The following CMIP variants were observed in gnomAD, a reference collection of about 807,000 sequenced individuals.
CMIP encodes c-Maf inducing protein.
A neutral mutation model predicts 97.3 loss-of-function variants in CMIP; 13 were observed. The observed-to-expected ratio is 0.13, with a 90% CI of 0.09 to 0.21. The LOEUF is 0.21. Among genes scored for constraint, CMIP ranks in the 10% least tolerant of loss-of-function variants. The probability of loss-of-function intolerance (pLI) is 1.00; values close to 1 mark genes in which losing one functional copy is unlikely to be tolerated. For missense variants in CMIP, 847 were observed against 1,024.9 expected, an observed-to-expected ratio of 0.83 and a Z score of 2.37; for synonymous variants, 538 against 436.3, an observed-to-expected ratio of 1.23 and a Z score of -2.91.
At chr16:81,563,117 TG>T (rs1374146205) in intron 1 of CMIP, among the ~76,000 whole-genome samples, 1 of 152,230 alleles carries the variant, frequency 6.6e-6, no homozygotes, top group Non-Finnish European at 1.5e-5. Flanking sequence ...CCCAGCTGGC[TG>T]GCCATGGCTG....
At chr16:81,688,303 C>T (rs1036250767) in intron 10 of CMIP, among the ~76,000 whole-genome samples, 1 of 152,212 alleles carries the variant, frequency 6.6e-6, no homozygotes, top group Admixed American at 6.5e-5. Flanking sequence ...GTGAACAGCA[C>T]GGTGCTTCCC....
chr16:81,656,702 ATC>A (rs1470188837), intron 4 of CMIP, among the ~76,000 whole-genome samples: 4 of 152,194 alleles, frequency 2.6e-5, no homozygotes, highest in African/African-American at 9.7e-5. Context: ...TGGTGGCACA[ATC>A]TCAGCTCACT....
intron 1 of CMIP, among the ~76,000 whole-genome samples, chr16:81,490,647 C>T (rs948948838): frequency 6.6e-6 from 1 of 152,086 alleles, no homozygotes; most frequent in Admixed American, 6.6e-5. Context: ...CCTAGCATGG[C>T]GGGGGAATAA....
chr16:81,537,384 A>G (rs1295871469), intron 1 of CMIP, among the ~76,000 whole-genome samples: 1 of 151,626 alleles, frequency 6.6e-6, no homozygotes, highest in Non-Finnish European at 1.5e-5. Flanking sequence ...AAAATACAAA[A>G]ATTAGCCAGG....
intron 1 of CMIP, among the ~76,000 whole-genome samples, chr16:81,503,683 C>T (rs967724560): frequency 3.9e-5 from 6 of 152,256 alleles, no homozygotes; most frequent in Non-Finnish European, 1.5e-5. Flanking sequence ...AGGCCTGAGC[C>T]ACCGCGCCTG....
chr16:81,519,305 A>G (rs1454840776), intron 1 of CMIP: 9 of 152,228 alleles, frequency 5.9e-5, no homozygotes, highest in Non-Finnish European at 1.2e-4. Context: ...TCTCAAAGCA[A>G]ACACACACAC....
intron 12 of CMIP, 126 bp downstream of exon 12, chr16:81,693,310 C>A: frequency 7.1e-7 from 1 of 1,403,140 alleles, no homozygotes; most frequent in Non-Finnish European, 9.9e-7. Flanking sequence ...TCTTGAGACA[C>A]GTGTCCCTGA....
intron 1 of CMIP, among the ~76,000 whole-genome samples, chr16:81,551,342 G>C (rs985453092): frequency 2.0e-5 from 3 of 152,346 alleles, no homozygotes; most frequent in South Asian, 4.1e-4. Flanking sequence ...CCTCCCAACT[G>C]TTTTCTGATT....
intron 1 of CMIP, among the ~76,000 whole-genome samples, chr16:81,542,225 G>T (rs1332161103): frequency 6.6e-6 from 1 of 152,172 alleles, no homozygotes; most frequent in Non-Finnish European, 1.5e-5. Flanking sequence ...TGAAGTTGAA[G>T]ACTCCTAGGC....
Position 81,671,984 on chromosome 16 carries a change from G to T in CMIP, c.948G>T (p.Gly316=). 6.3e-7 allele frequency: 1 copy of T among 1,592,774 alleles called. No individual in the cohort carries two copies. Among genetic ancestry groups the T allele is most frequent in the Non-Finnish European group, 8.6e-7 (1 of 1,168,228 alleles). ...KFIQSMHGPT[G]HCPHPRVLPN... ...TTTCCAGCATGCACGGCCCCACAGG[G>T]CACTGCCCCCACCCCCGGGTCCTGC... is the stretch of plus-strand genomic sequence containing the variant. Residue 316 remains glycine (G), a synonymous_variant, in exon 9 of 21, where the codon GGG becomes GGT. Transcript: ENST00000537098.
chr16:81,536,163 GTGTT>G (rs1463295724), intron 1 of CMIP, among the ~76,000 whole-genome samples: 1 of 152,234 alleles, frequency 6.6e-6, no homozygotes, highest in Non-Finnish European at 1.5e-5. Context: ...AATCAGGTAA[GTGTT>G]AATTATTAAA....
intron 1 of CMIP, among the ~76,000 whole-genome samples, chr16:81,493,539 T>C (rs936384297): frequency 6.6e-6 from 1 of 152,304 alleles, no homozygotes; most frequent in Admixed American, 6.5e-5. Context: ...ATGGTGACGA[T>C]GACAAGGGCA....
At chr16:81,521,381 C>T (rs1042215887) in intron 1 of CMIP, among the ~76,000 whole-genome samples, 2 of 152,150 alleles carry the variant, frequency 1.3e-5, no homozygotes, top group Non-Finnish European at 2.9e-5. Flanking sequence ...TTTGCCACCC[C>T]CCCCCGAATA....
At position 81,678,422 on chromosome 16, in the gene CMIP, G is replaced by T; in HGVS notation, c.1182G>T (p.Ser394=). 1 of 1,594,010 alleles carries T rather than the reference G, an allele frequency of 6.3e-7. No individual in the cohort carries two copies. The change falls in exon 10 of 21, where the codon TCG becomes TCT. Residue 394 remains serine, a synonymous_variant. Transcript: ENST00000537098. ...CGCTGTCTGAGGCCCGGCTCAAGTC[G>T]GTGGTCGTGGCCTCCAGTGAGATCC... ...EATLSEARLK[S]VVVASSEIHV...
intron 2 of CMIP, chr16:81,618,488 G>C (rs2091950729): frequency 6.6e-6 from 1 of 152,246 alleles, no homozygotes; most frequent in Non-Finnish European, 1.5e-5. Flanking sequence ...AACATGTTTA[G>C]GGGGCTTTAT....
At chr16:81,644,750 G>A (rs2092344486) in intron 3 of CMIP, among the ~76,000 whole-genome samples, 1 of 152,212 alleles carries the variant, frequency 6.6e-6, no homozygotes, top group South Asian at 2.1e-4. Flanking sequence ...ATTGTCCCCG[G>A]GTGTGCAAGG....
intron 9 of CMIP, among the ~76,000 whole-genome samples, chr16:81,673,610 G>A (rs149616282): frequency 3.3e-5 from 5 of 152,250 alleles, no homozygotes; most frequent in Non-Finnish European, 7.3e-5. Flanking sequence ...GAGGCCGTGC[G>A]TAACACACTG....
intron 1 of CMIP, among the ~76,000 whole-genome samples, chr16:81,570,534 G>A (rs909200984): frequency 3.3e-5 from 5 of 152,148 alleles, no homozygotes; most frequent in African/African-American, 4.8e-5. Context: ...TGAAGAAGCC[G>A]AGGTGGAAAC....
In CMIP at chr16:81,508,629, G is replaced by A. The variant is rs150276186; in HGVS notation, c.300+63088G>A. Reference sequence around the variant, plus strand: ...TGGGAAAAATTCCTAGAAATGAAATGTCTGAGTCAAAGGTTATGCACCTCT... The same window carrying A: ...TGGGAAAAATTCCTAGAAATGAAATATCTGAGTCAAAGGTTATGCACCTCT... On this transcript the variant is annotated intron_variant, in intron 1 of 20. Transcript: ENST00000537098. Among the ~76,000 whole-genome samples, 7 of 152,330 alleles carry A rather than the reference G, an allele frequency of 4.6e-5. No homozygotes were observed. The East Asian group carries it at 1.2e-3, about 25-fold the overall frequency.
Sources: allele counts gnomAD v4.1 joint callset (sites outside exome capture counted in the v4.1 genomes callset), GRCh38; gene constraint gnomAD v4.1.1; transcripts MANE v1.5; gene names NCBI Gene and HGNC (gene_info 2026-07-23, HGNC 2026-07-21).